Variants in ZMYM5 observed in about 807,000 individuals in gnomAD.
The protein encoded by ZMYM5 is zinc finger MYM-type containing 5.
A neutral mutation model predicts 61.8 loss-of-function variants in ZMYM5; 41 were observed. That is an observed-to-expected ratio of 0.66 (90% CI 0.52 to 0.86). The LOEUF is 0.86. Among genes scored for constraint, ZMYM5 ranks in the 40% least tolerant of loss-of-function variants. The pLI, the probability that ZMYM5 is intolerant of heterozygous loss-of-function variation, is 0.00. For synonymous variants in ZMYM5, 257 were observed against 276.4 expected (o/e 0.93, Z 0.70); for missense variants, 706 against 786.7 (o/e 0.90, Z 1.23).
intron 6 of ZMYM5, among the ~76,000 whole-genome samples, chr13:19,836,943 C>T (rs998288085): frequency 6.6e-5 from 10 of 152,054 alleles, no homozygotes; most frequent in East Asian, 1.9e-4. Context: ...GTTCTTGTAC[C>T]GGGATCTGCT....
chr13:19,854,832 G>C, intron 2 of ZMYM5, among the ~76,000 whole-genome samples: 1 of 151,992 alleles, frequency 6.6e-6, no homozygotes, highest in East Asian at 1.9e-4. Flanking sequence ...ACTCACCATT[G>C]CTGAAAAAGG....
At chr13:19,845,508 G>A (rs1953044645) in intron 4 of ZMYM5, among the ~76,000 whole-genome samples, 1 of 152,150 alleles carries the variant, frequency 6.6e-6, no homozygotes, top group East Asian at 1.9e-4. Context: ...GAGTTAGCAT[G>A]AGACCCCACA....
intron 6 of ZMYM5, among the ~76,000 whole-genome samples, chr13:19,837,028 T>G (rs527652180): frequency 1.4e-3 from 173 of 123,662 alleles, no homozygotes; most frequent in African/African-American, 5.0e-3. Context: ...TTTTTTGTTT[T>G]TTTTTTTTTC....
chr13:19,852,181 G>A lies in ZMYM5; in HGVS notation c.-1C>T. On this transcript the variant is annotated 5_prime_UTR_variant, in exon 3 of 8. Transcript: ENST00000337963. ...ATCCTCCCACTGAACATTTTTCCATGCCAATGAACCTGTAGAGACAGAAAA... is the reference window on the plus strand; with the variant it reads ...ATCCTCCCACTGAACATTTTTCCATACCAATGAACCTGTAGAGACAGAAAA... 4.4e-6 allele frequency: 7 copies of A among 1,588,178 alleles called. No individual in the cohort carries two copies. The highest frequency in any genetic ancestry group is 6.0e-6 in the Non-Finnish European group (7 of 1,171,444).
rs1257782360 is a variant in ZMYM5, at chr13:19,825,321, A to G, written c.1252-86T>C. The G allele has an allele frequency of 2.8e-6, 3 of 1,089,750 alleles. No individual in the cohort carries two copies. The Admixed American group carries it at 1.2e-4, about 44-fold the overall frequency. The allele number at this position is 1,089,750 out of a possible 1,614,324, so 67.5% of individuals were successfully genotyped here. On this transcript the variant is annotated intron_variant, in intron 7 of 7. Coordinates refer to ENST00000337963, the MANE Select transcript of ZMYM5 (RefSeq NM_001142684.2). ...TCAAATGCTCAATAAGCACATGCTC[A>G]TCATTAGGCATCAAAGAAATGCCAA...
intron 2 of ZMYM5, among the ~76,000 whole-genome samples, chr13:19,856,703 A>G (rs1312391743): frequency 1.3e-5 from 2 of 152,000 alleles, no homozygotes; most frequent in African/African-American, 2.4e-5. Flanking sequence ...CCAGCCACTC[A>G]GGAGACTGAG....
intron 4 of ZMYM5, among the ~76,000 whole-genome samples, chr13:19,844,110 C>T (rs1952992350): frequency 6.7e-6 from 1 of 149,592 alleles, no homozygotes; most frequent in Non-Finnish European, 1.5e-5. Flanking sequence ...TGCACTCCAG[C>T]CTGGGTGACA....
At chr13:19,860,962 G>C (rs1268988028) in intron 2 of ZMYM5, among the ~76,000 whole-genome samples, 5 of 149,434 alleles carry the variant, frequency 3.3e-5, no homozygotes, top group East Asian at 3.9e-4. Flanking sequence ...GTGTGTGTGT[G>C]TCTCAAACCT....
At chr13:19,845,087 GT>G (rs1456228770) in intron 4 of ZMYM5, among the ~76,000 whole-genome samples, 2 of 152,146 alleles carry the variant, frequency 1.3e-5, no homozygotes, top group Admixed American at 6.6e-5. Context: ...ATGAGAAACA[GT>G]TTGTAATTGC....
chr13:19,853,324 T>G (rs554431235), intron 2 of ZMYM5, among the ~76,000 whole-genome samples: 2 of 152,254 alleles, frequency 1.3e-5, no homozygotes, highest in South Asian at 4.1e-4. Context: ...TGTGCACAGG[T>G]GGTAATGAAA....
rs377456754 is a variant in ZMYM5, at chr13:19,838,866, G to C, written c.706C>G (p.Leu236Val). Residue 236 changes from leucine (L) to valine (V), a missense_variant, in exon 5 of 8, where the codon CTT becomes GTT. Leu to Val is a conservative substitution (Grantham distance 32, BLOSUM62 1). Around this residue, in one of 2 missense-constraint regions of ZMYM5, gnomAD observed 480 missense variants for 461.7 expected, o/e 1.04. Coordinates refer to ENST00000337963, the MANE Select transcript of ZMYM5 (RefSeq NM_001142684.2). ...QNFQPTAQQQ[L>V]TKPAKITCAN... Reference sequence around the variant, plus strand: ...CAAGTGATTTTAGCTGGTTTAGTAAGTTGTTGTTGGGCTGTAGGCTGGAAA... The same window carrying C: ...CAAGTGATTTTAGCTGGTTTAGTAACTTGTTGTTGGGCTGTAGGCTGGAAA... 98 of 1,613,770 alleles carry C rather than the reference G, an allele frequency of 6.1e-5. No individual in the cohort carries two copies. The highest frequency in any genetic ancestry group is 7.4e-5 in the Non-Finnish European group (87 of 1,179,842).
At position 19,851,415 on chromosome 13, in the gene ZMYM5, T is replaced by C. The variant is rs371212032; in HGVS notation, c.526A>G (p.Arg176Gly). The C allele has an allele frequency of 3.2e-5, 51 of 1,614,080 alleles. No homozygotes were observed. Among genetic ancestry groups the C allele is most frequent in the Non-Finnish European group, 3.4e-5 (40 of 1,180,048 alleles). Residue 176 changes from arginine to glycine, a missense_variant, in exon 4 of 8, where the codon AGA becomes GGA. Coordinates refer to ENST00000337963, the MANE Select transcript of ZMYM5 (RefSeq NM_001142684.2). ...KTGVRPFNPGRMNVAGDLFQN... is the reference protein window; with the variant it reads ...KTGVRPFNPGGMNVAGDLFQN... ...AATAAGTCTCCTGCCACATTCATTCTACCAGGGTTAAAAGGTCTTACTCCA... is the reference window on the plus strand; with the variant it reads ...AATAAGTCTCCTGCCACATTCATTCCACCAGGGTTAAAAGGTCTTACTCCA...
chr13:19,823,593 A>T lies in ZMYM5; in HGVS notation c.*884T>A, dbSNP rs1009453893. On this transcript the variant is annotated 3_prime_UTR_variant, in exon 8 of 8. Transcript: ENST00000337963. Reference sequence around the variant, plus strand: ...CTAAAACATTTACAAATTAAAATAAACATAAAACCAATAAAATGGAAATTA... The same window carrying T: ...CTAAAACATTTACAAATTAAAATAATCATAAAACCAATAAAATGGAAATTA... 2.6e-5 allele frequency: 4 copies of T among 152,186 alleles called. No individual in the cohort carries two copies. Among genetic ancestry groups the T allele is most frequent in the Admixed American group, 2.6e-4 (4 of 15,256 alleles). 9.4% of individuals were successfully genotyped at this position (152,186 alleles called of 1,614,324 possible). A position where few individuals can be genotyped will look rare whatever the true frequency, so the allele number is the denominator to read the frequency against.
intron 4 of ZMYM5, among the ~76,000 whole-genome samples, chr13:19,844,709 C>T (rs1433363943): frequency 6.6e-6 from 1 of 152,092 alleles, no homozygotes; most frequent in African/African-American, 2.4e-5. Flanking sequence ...GCAATCTCTG[C>T]CTCCAGGGTT....
chr13:19,825,877 CTAAAAA>C (rs1890889520), intron 7 of ZMYM5, among the ~76,000 whole-genome samples: 1 of 151,822 alleles, frequency 6.6e-6, no homozygotes, highest in Admixed American at 6.6e-5. Flanking sequence ...CCCGTCTCTG[CTAAAAA>C]TACAAAATTT....
intron 7 of ZMYM5, among the ~76,000 whole-genome samples, chr13:19,831,126 CTAT>C (rs1891192976): frequency 1.1e-5 from 1 of 89,700 alleles, no homozygotes; most frequent in African/African-American, 3.2e-5. Context: ...CACACCCAGC[CTAT>C]TTTTTTTTTT....
intron 2 of ZMYM5, among the ~76,000 whole-genome samples, chr13:19,857,430 A>T (rs1442441145): frequency 3.9e-5 from 6 of 152,232 alleles, no homozygotes; most frequent in African/African-American, 1.4e-4. Flanking sequence ...TTTCAGAGAC[A>T]CTTCACAGTT....
intron 4 of ZMYM5, among the ~76,000 whole-genome samples, chr13:19,850,985 G>C (rs1304199932): frequency 6.6e-6 from 1 of 152,152 alleles, no homozygotes; most frequent in African/African-American, 2.4e-5. Context: ...AAGACAGGTG[G>C]ATCACTTGAG....
chr13:19,829,121 C>CA (rs1318316967), intron 7 of ZMYM5, among the ~76,000 whole-genome samples: 7 of 151,508 alleles, frequency 4.6e-5, no homozygotes, highest in South Asian at 4.2e-4. Context: ...CAAAACAAAA[C>CA]AAAAAAAACC....
Sources: allele counts gnomAD v4.1 joint callset (sites outside exome capture counted in the v4.1 genomes callset), GRCh38; gene constraint gnomAD v4.1.1; regional missense constraint gnomAD v4.1.1; transcripts MANE v1.5; gene names NCBI Gene and HGNC (gene_info 2026-07-23, HGNC 2026-07-21).